Variants in TTC3 observed in about 807,000 individuals in gnomAD.
The protein encoded by TTC3 is E3 ubiquitin-protein ligase TTC3.
TTC3 carries 180 observed loss-of-function variants against 249.6 expected under a neutral mutation model. That is an observed-to-expected ratio of 0.72 (90% CI 0.64 to 0.82). The LOEUF is 0.82. TTC3 is among the 40% of genes least tolerant of loss of function. TTC3 has a pLI of 0.00. For missense variants in TTC3, 2,061 were observed against 2,398.4 expected, an observed-to-expected ratio of 0.86 and a Z score of 2.94; for synonymous variants, 717 against 805.0, an observed-to-expected ratio of 0.89 and a Z score of 1.85.
At chr21:37,189,587 G>A (rs547857630) in intron 39 of TTC3, among the ~76,000 whole-genome samples, 128 of 150,382 alleles carry the variant, frequency 8.5e-4, no homozygotes, top group Non-Finnish European at 1.5e-3. Flanking sequence ...TCGCTCTGTC[G>A]CCCATGCTGG....
rs143935585 is a variant in TTC3 at position 37,201,715 on chromosome 21, C to T, written c.*141C>T. 4,098 of 1,111,074 alleles carry T rather than the reference C, an allele frequency of 3.7e-3. 18 individuals are homozygous for T. The highest frequency in any genetic ancestry group is 0.011 in the East Asian group (441 of 38,574). The allele number at this position is 1,111,074 out of a possible 1,614,324, so 68.8% of individuals were successfully genotyped here. ...CTAAATACATGGAAATCGTTAATAT[C>T]GCTGATATTAAGTAATTTCCCCACT... On this transcript the variant is annotated 3_prime_UTR_variant, in exon 46 of 46. Transcript: ENST00000355666.
chr21:37,157,098 T>A, intron 28 of TTC3, 192 bp downstream of exon 28: 1 of 1,400,304 alleles, frequency 7.1e-7, no homozygotes. Context: ...ACTTTATCAG[T>A]TAAAGAGATA....
intron 32 of TTC3, among the ~76,000 whole-genome samples, chr21:37,164,452 C>A (rs760024740): frequency 6.6e-6 from 1 of 151,662 alleles, no homozygotes; most frequent in African/African-American, 2.4e-5. Flanking sequence ...GATTGTCATG[C>A]GTCAGCCTCC....
intron 35 of TTC3, among the ~76,000 whole-genome samples, chr21:37,178,473 C>T (rs1317622992): frequency 6.6e-6 from 1 of 152,076 alleles, no homozygotes; most frequent in African/African-American, 2.4e-5. Context: ...CATCGTTTGT[C>T]TTTTTATTTA....
intron 1 of TTC3, chr21:37,073,466 G>A: frequency 2.0e-6 from 2 of 986,228 alleles, no homozygotes; most frequent in Non-Finnish European, 2.4e-6. Flanking sequence ...CCCCTCCGTG[G>A]GTGTGTGGTG....
intron 34 of TTC3, among the ~76,000 whole-genome samples, chr21:37,172,170 A>G (rs990216114): frequency 6.6e-6 from 1 of 152,230 alleles, no homozygotes; most frequent in Non-Finnish European, 1.5e-5. Flanking sequence ...ACCAGCAACT[A>G]TTTATTTGAA....
chr21:37,115,277 G>A (rs1322636377), intron 11 of TTC3, among the ~76,000 whole-genome samples: 1 of 151,960 alleles, frequency 6.6e-6, no homozygotes, highest in African/African-American at 2.4e-5. Flanking sequence ...AACCAATAGT[G>A]CAGAATAGAG....
At position 37,116,503 on chromosome 21, in the gene TTC3, T is replaced by A. The variant is rs191251006; in HGVS notation, c.901-5314T>A. Among the ~76,000 whole-genome samples, 17 of 150,200 alleles carry A rather than the reference T, an allele frequency of 1.1e-4. No homozygotes were observed. In the East Asian group the frequency reaches 1.2e-3, roughly 10 times the overall value. ...GTATTTTCCTAAATTATAAAAATAT[T>A]TTTTTTTTAAGTGAAGCTTTAGATG... On this transcript the variant is annotated intron_variant, in intron 11 of 45. Coordinates refer to ENST00000355666, the Ensembl canonical transcript of TTC3.
chr21:37,143,649 T>C (rs1191591588), intron 20 of TTC3, among the ~76,000 whole-genome samples: 1 of 151,428 alleles, frequency 6.6e-6, no homozygotes, highest in Non-Finnish European at 1.5e-5. Flanking sequence ...TTGGTGGGAC[T>C]GTAAACTAGT....
At chr21:37,076,372 T>C (rs538186872) in intron 1 of TTC3, among the ~76,000 whole-genome samples, 1 of 152,240 alleles carries the variant, frequency 6.6e-6, no homozygotes, top group Non-Finnish European at 1.5e-5. Context: ...TTTGCTGTTA[T>C]GAAGTTATAT....
intron 18 of TTC3, among the ~76,000 whole-genome samples, chr21:37,136,460 T>C (rs1276679570): frequency 4.6e-5 from 7 of 152,046 alleles, no homozygotes. Context: ...ATGCAGAGAG[T>C]CTTAGTGGTC....
At chr21:37,197,132 G>C (rs1187750696) in intron 42 of TTC3, among the ~76,000 whole-genome samples, 1 of 152,188 alleles carries the variant, frequency 6.6e-6, no homozygotes, top group Non-Finnish European at 1.5e-5. Flanking sequence ...TTAATTACAG[G>C]CTTCAAAATT....
At chr21:37,143,626 C>T (rs1275824863) in intron 20 of TTC3, among the ~76,000 whole-genome samples, 3 of 151,424 alleles carry the variant, frequency 2.0e-5, no homozygotes, top group South Asian at 2.1e-4. Context: ...GAAATAGGAA[C>T]ACTTTTACAC....
chr21:37,161,458 G>A (rs1043768738), intron 30 of TTC3, among the ~76,000 whole-genome samples: 2 of 152,118 alleles, frequency 1.3e-5, no homozygotes, highest in African/African-American at 4.8e-5. Flanking sequence ...TGTATTTTTT[G>A]GAGAGATGGG....
intron 10 of TTC3, 90 bp from the exon 11 acceptor site, chr21:37,108,302 C>T: frequency 1.0e-6 from 1 of 1,000,624 alleles, no homozygotes. Context: ...AGATAATATA[C>T]ATGGAAAATT....
At chr21:37,199,367 GAGT>G (rs1340597952) in intron 44 of TTC3, among the ~76,000 whole-genome samples, 1 of 152,246 alleles carries the variant, frequency 6.6e-6, no homozygotes, top group Non-Finnish European at 1.5e-5. Context: ...CAGTGAGCTA[GAGT>G]AGAAGTTAAT....
chr21:37,168,537 T>G (rs889181233), intron 34 of TTC3, among the ~76,000 whole-genome samples: 3 of 151,762 alleles, frequency 2.0e-5, no homozygotes, highest in Non-Finnish European at 4.4e-5. Context: ...TAAAGAAAAA[T>G]TTTTAAATGC....
intron 26 of TTC3, among the ~76,000 whole-genome samples, chr21:37,152,379 G>GTTTTTT (rs5843795): frequency 4.3e-5 from 6 of 139,294 alleles, no homozygotes; most frequent in Non-Finnish European, 7.7e-5. Context: ...GAACTAAGTT[G>GTTTTTT]TTTTTTTTTT....
At chr21:37,159,541 T>G in intron 28 of TTC3, 158 bp from the exon 29 acceptor site, 1 of 690,100 alleles carries the variant, frequency 1.4e-6, no homozygotes. Flanking sequence ...AGTCAGCCAT[T>G]TTGCCCTTGG....
Sources: gnomAD v4.1 joint callset for allele counts (sites outside exome capture counted in the v4.1 genomes callset) on GRCh38, gnomAD v4.1.1 for gene constraint, MANE v1.5 for transcripts, NCBI Gene and HGNC (gene_info 2026-07-23, HGNC 2026-07-21) for gene names.